The following SPATA16 variants were observed in gnomAD, a reference collection of about 807,000 sequenced individuals.
SPATA16 encodes spermatogenesis associated 16, also known as spermatogenesis-associated protein 16.
SPATA16 carries 36 observed loss-of-function variants against 63.3 expected under a neutral mutation model. The ratio of observed to expected loss-of-function variants is 0.57; its 90% CI spans 0.44 to 0.75. The LOEUF (loss-of-function observed/expected upper bound fraction) is 0.75. Among genes scored for constraint, SPATA16 ranks in the 30% least tolerant of loss-of-function variants. The pLI, the probability that SPATA16 is intolerant of heterozygous loss-of-function variation, is 0.00. For synonymous variants in SPATA16, 203 were observed against 216.7 expected, an observed-to-expected ratio of 0.94 and a Z score of 0.56; for missense variants, 646 against 679.3, an observed-to-expected ratio of 0.95 and a Z score of 0.54.
At chr3:173,014,027 G>A (rs1042042675) in intron 4 of SPATA16, among the ~76,000 whole-genome samples, 6 of 151,958 alleles carry the variant, frequency 3.9e-5, no homozygotes, top group African/African-American at 7.2e-5. Flanking sequence ...TTAATTTCCC[G>A]CCTCAAAAGA....
rs1338104871 is a variant in SPATA16, at chr3:173,028,028, T to C, written c.759-8453A>G. 5.2e-3 allele frequency among the ~76,000 whole-genome samples: 223 copies of C among 42,816 alleles called. 1 individual carries two copies. The highest frequency in any genetic ancestry group is 0.023 in the African/African-American group (209 of 9,178). The allele number at this position is 42,816 out of a possible 152,430, so 28.1% of individuals were successfully genotyped here. A position where few individuals can be genotyped will look rare whatever the true frequency, so the allele number is the denominator to read the frequency against. Reference sequence around the variant, plus strand: ...CTCCCTCCCTCCCTTCCTTCTTTCCTTCCTTCCTTCCTTCCTTCCTTCCTT... The same window carrying C: ...CTCCCTCCCTCCCTTCCTTCTTTCCCTCCTTCCTTCCTTCCTTCCTTCCTT... On this transcript the variant is annotated intron_variant, in intron 3 of 10. Transcript: ENST00000351008.
At chr3:173,048,835 ATGTT>A (rs1190088506) in intron 3 of SPATA16, 110 bp downstream of exon 3, 4 of 1,353,382 alleles carry the variant, frequency 3.0e-6, no homozygotes, top group Non-Finnish European at 3.1e-6. Flanking sequence ...CAGTAAATAA[ATGTT>A]TGTTTCTTCT....
At position 172,991,721 on chromosome 3, in the gene SPATA16, C is replaced by T. The variant is rs541265117; in HGVS notation, c.849-14669G>A. Among the ~76,000 whole-genome samples the T allele has an allele frequency of 2.6e-5, 4 of 152,228 alleles. No homozygotes were observed. The South Asian group carries it at 8.3e-4, about 32-fold the overall frequency. On this transcript the variant is annotated intron_variant, in intron 4 of 10. Coordinates refer to ENST00000351008, the MANE Select transcript of SPATA16 (RefSeq NM_031955.6). ...TGCTTCACAGATTATGCAACACACA[C>T]AAGAACACTGATAACAGAAAGGAAA...
chr3:173,005,940 T>G (rs1229377884), intron 4 of SPATA16, among the ~76,000 whole-genome samples: 1 of 152,206 alleles, frequency 6.6e-6, no homozygotes, highest in East Asian at 1.9e-4. Flanking sequence ...AGATTATATG[T>G]TTAAAATTCT....
chr3:173,040,607 A>G (rs1169453330), intron 3 of SPATA16, among the ~76,000 whole-genome samples: 5 of 152,190 alleles, frequency 3.3e-5, no homozygotes, highest in Non-Finnish European at 7.3e-5. Context: ...GTATTTCTCA[A>G]TGCTACCATA....
chr3:173,004,740 TGA>T (rs1560093896), intron 4 of SPATA16, among the ~76,000 whole-genome samples: 1 of 152,224 alleles, frequency 6.6e-6, no homozygotes, highest in Non-Finnish European at 1.5e-5. Flanking sequence ...TTTTTAAAAT[TGA>T]GAGTTTATGA....
chr3:172,978,873 G>C (rs1183189240), intron 4 of SPATA16, among the ~76,000 whole-genome samples: 1 of 152,210 alleles, frequency 6.6e-6, no homozygotes, highest in African/African-American at 2.4e-5. Flanking sequence ...GATTGGGTTA[G>C]TTTAACTCTA....
intron 5 of SPATA16, among the ~76,000 whole-genome samples, chr3:172,968,460 G>A (rs917568618): frequency 2.6e-5 from 4 of 152,186 alleles, no homozygotes; most frequent in African/African-American, 4.8e-5. Context: ...GTTGAAGTGG[G>A]GATAGCGTGA....
intron 4 of SPATA16, among the ~76,000 whole-genome samples, chr3:173,002,327 A>G (rs943539065): frequency 2.6e-5 from 4 of 152,160 alleles, no homozygotes; most frequent in African/African-American, 7.2e-5. Context: ...GGATATGCAC[A>G]TGGGGAAAAA....
At chr3:173,067,584 G>A (rs997934223) in intron 2 of SPATA16, among the ~76,000 whole-genome samples, 2 of 151,636 alleles carry the variant, frequency 1.3e-5, no homozygotes, top group Non-Finnish European at 2.9e-5. Context: ...GCATACCCCC[G>A]AACCTAAAAT....
chr3:173,039,115 C>T (rs999536987), intron 3 of SPATA16, among the ~76,000 whole-genome samples: 1 of 151,536 alleles, frequency 6.6e-6, no homozygotes, highest in South Asian at 2.1e-4. Context: ...TTTTTAAACC[C>T]CAGGACACAC....
At chr3:172,934,799 A>G (rs538422028) in intron 6 of SPATA16, among the ~76,000 whole-genome samples, 2 of 152,322 alleles carry the variant, frequency 1.3e-5, no homozygotes, top group South Asian at 2.1e-4. Flanking sequence ...GCTTCTTTAT[A>G]TATGGAAATC....
chr3:173,017,091 G>A (rs1051031624), intron 4 of SPATA16, among the ~76,000 whole-genome samples: 16 of 151,778 alleles, frequency 1.1e-4, no homozygotes, highest in Admixed American at 4.6e-4. Flanking sequence ...GATACACTAC[G>A]ATATTTATGT....
At position 173,089,779 on chromosome 3, in the gene SPATA16, C is replaced by A. The variant is rs537265634; in HGVS notation, c.612+27341G>T. Among the ~76,000 whole-genome samples, 8 of 152,164 alleles carry A rather than the reference C, an allele frequency of 5.3e-5. No homozygotes were observed. In the East Asian group the frequency reaches 1.2e-3, roughly 22 times the overall value. On this transcript the variant is annotated intron_variant, in intron 2 of 10. Transcript: ENST00000351008. The stretch of plus-strand genomic sequence containing the variant: ...GATTGGAACACCAGGCAGGAGGAAA[C>A]GGGAAGGTGCTGGTAAACTGCGGAA...
At chr3:172,983,608 G>A (rs113151170) in intron 4 of SPATA16, among the ~76,000 whole-genome samples, 8 of 151,934 alleles carry the variant, frequency 5.3e-5, no homozygotes, top group Non-Finnish European at 1.0e-4. Flanking sequence ...ATGTATATAC[G>A]TTGTTAATTT....
At chr3:173,071,408 C>T (rs1225235278) in intron 2 of SPATA16, among the ~76,000 whole-genome samples, 3 of 151,934 alleles carry the variant, frequency 2.0e-5, no homozygotes, top group East Asian at 3.9e-4. Flanking sequence ...TGGACAAAGA[C>T]TGAGTAAGAC....
At chr3:172,914,983 T>A (rs1009980648) in intron 9 of SPATA16, among the ~76,000 whole-genome samples, 1 of 152,108 alleles carries the variant, frequency 6.6e-6, no homozygotes, top group African/African-American at 2.4e-5. Context: ...GAAGACAGGA[T>A]CAACATTTTG....
At chr3:173,123,419 C>T (rs1738137778) in intron 1 of SPATA16, among the ~76,000 whole-genome samples, 1 of 151,976 alleles carries the variant, frequency 6.6e-6, no homozygotes, top group South Asian at 2.1e-4. Context: ...GCATTGCACC[C>T]CAAGTTGATT....
At chr3:172,999,085 A>G (rs531306528) in intron 4 of SPATA16, among the ~76,000 whole-genome samples, 2 of 152,190 alleles carry the variant, frequency 1.3e-5, no homozygotes, top group Admixed American at 6.5e-5. Flanking sequence ...TTCTGCTTCT[A>G]TCTTCTGAAA....
Sources: allele counts gnomAD v4.1 joint callset (sites outside exome capture counted in the v4.1 genomes callset), GRCh38; gene constraint gnomAD v4.1.1; transcripts MANE v1.5; gene names NCBI Gene and HGNC (gene_info 2026-07-23, HGNC 2026-07-21).